The following RNF19A variants were observed in gnomAD, a reference collection of about 807,000 sequenced individuals.
The protein encoded by RNF19A is E3 ubiquitin-protein ligase RNF19A.
A neutral mutation model predicts 75.7 loss-of-function variants in RNF19A; 32 were observed. The observed-to-expected ratio is 0.42, with a 90% CI of 0.32 to 0.57. The LOEUF (loss-of-function observed/expected upper bound fraction) is 0.57. Ranked by LOEUF, RNF19A falls within the 20% of genes least tolerant of loss-of-function variation. The pLI, the probability that RNF19A is intolerant of heterozygous loss-of-function variation, is 0.10. For missense variants in RNF19A, 782 were observed against 1,036.3 expected, an observed-to-expected ratio of 0.75 and a Z score of 3.37; for synonymous variants, 335 against 345.2, an observed-to-expected ratio of 0.97 and a Z score of 0.33.
Position 100,259,741 on chromosome 8 carries a change from T to A in RNF19A, c.1826+113A>T, listed in dbSNP as rs946254948. The A allele has an allele frequency of 1.4e-4, 131 of 920,462 alleles. 1 individual carries two copies. In the African/African-American group the frequency reaches 2.2e-3, roughly 15 times the overall value. 57.0% of individuals were successfully genotyped at this position (920,462 alleles called of 1,614,324 possible). On this transcript the variant is annotated intron_variant, in intron 9 of 9. Coordinates refer to ENST00000341084, the MANE Select transcript of RNF19A (RefSeq NM_183419.4). This position sits in a 1 kb window ranked among gnomAD's most constrained non-coding sequence, Gnocchi z 4.5. The stretch of plus-strand genomic sequence containing the variant: ...CTCTGGACAGCTCACTGTTTCCTTT[T>A]CTCAGAGAACTTAATAGTTGGTAGC...
rs182395324 is a variant in RNF19A, at chr8:100,268,374, C to T, written c.1191+411G>A. Among the ~76,000 whole-genome samples the T allele has an allele frequency of 5.9e-5, 9 of 152,110 alleles. No individual in the cohort carries two copies. In the East Asian group the frequency reaches 1.7e-3, roughly 29 times the overall value. On this transcript the variant is annotated intron_variant, in intron 5 of 9. Coordinates refer to ENST00000341084, the MANE Select transcript of RNF19A (RefSeq NM_183419.4). ...CCAAAAAAAAAGCTTTGAACTACAGCAGAAATAATTCAAGAACTGGCTAAT... is the reference window on the plus strand; with the variant it reads ...CCAAAAAAAAAGCTTTGAACTACAGTAGAAATAATTCAAGAACTGGCTAAT...
chr8:100,273,869 G>A (rs544925477), intron 3 of RNF19A, among the ~76,000 whole-genome samples: 18 of 152,234 alleles, frequency 1.2e-4, no homozygotes, highest in African/African-American at 3.4e-4. Flanking sequence ...TGCAACCTCT[G>A]CCTCCTGGGT....
Position 100,259,720 on chromosome 8 carries a change from G to C in RNF19A, c.1826+134C>G. The C allele has an allele frequency of 1.3e-6, 1 of 764,866 alleles. No individual in the cohort carries two copies. The highest frequency in any genetic ancestry group is 2.1e-6 in the Non-Finnish European group (1 of 482,106). The allele number at this position is 764,866 out of a possible 1,614,324, so 47.4% of individuals were successfully genotyped here. ...TGATCTATACAGATTTGCCTACTCT[G>C]GACAGCTCACTGTTTCCTTTTCTCA... On this transcript the variant is annotated intron_variant, in intron 9 of 9. Coordinates refer to ENST00000341084, the MANE Select transcript of RNF19A (RefSeq NM_183419.4). The surrounding 1 kb of genome is among the most constrained non-coding windows in gnomAD (Gnocchi z 4.5).
At position 100,259,140 on chromosome 8, in the gene RNF19A, G is replaced by T; in HGVS notation, c.1933C>A (p.His645Asn). Residue 645 changes from histidine (H) to asparagine (N), a missense_variant, in exon 10 of 10, where the codon CAT (histidine) becomes AAT (asparagine). Coordinates refer to ENST00000341084, the MANE Select transcript of RNF19A (RefSeq NM_183419.4). The surrounding 1 kb of genome is among the most constrained non-coding windows in gnomAD (Gnocchi z 4.5). ...AAGCCACTGGATGAACCGCCAGCAT[G>T]ACTTCGGGTGGCACTGCCATCATCC... ...SVDDGSATRS[H>N]AGGSSSGLPE... is the part of the protein sequence containing the mutation. 6.2e-7 allele frequency: 1 copy of T among 1,614,148 alleles called. No homozygotes were observed. Among genetic ancestry groups the T allele is most frequent in the South Asian group, 1.1e-5 (1 of 91,068 alleles).
intron 1 of RNF19A, among the ~76,000 whole-genome samples, chr8:100,327,245 C>CTTTTTTTTTTTTTTTT (rs71303441): frequency 1.3e-5 from 1 of 75,836 alleles, no homozygotes; most frequent in Admixed American, 1.8e-4. Context: ...GCAATTACTT[C>CTTTTTTTTTTTTTTTT]TTTTTTTTTT....
Position 100,289,167 on chromosome 8 carries a change from T to C in RNF19A, c.-93-900A>G, listed in dbSNP as rs542493459. Among the ~76,000 whole-genome samples, 4 of 151,980 alleles carry C rather than the reference T, an allele frequency of 2.6e-5. No homozygotes were observed. In the South Asian group the frequency reaches 8.3e-4, roughly 32 times the overall value. On this transcript the variant is annotated intron_variant, in intron 1 of 9. Transcript: ENST00000341084. ...ATGGCCTTTAAAAAAAGAAAAATACTATGTCTACTGGTTATCCACCTGAGA... is the reference window on the plus strand; with the variant it reads ...ATGGCCTTTAAAAAAAGAAAAATACCATGTCTACTGGTTATCCACCTGAGA...
At chr8:100,263,797 G>C (rs953642097) in intron 7 of RNF19A, among the ~76,000 whole-genome samples, 3 of 152,086 alleles carry the variant, frequency 2.0e-5, no homozygotes, top group Non-Finnish European at 4.4e-5. Flanking sequence ...AAGATGAAAA[G>C]TTTATGATTT....
chr8:100,267,988 C>T (rs1820066847), intron 5 of RNF19A, among the ~76,000 whole-genome samples: 1 of 151,814 alleles, frequency 6.6e-6, no homozygotes, highest in South Asian at 2.1e-4. Flanking sequence ...TGTTAGTTCC[C>T]TTTTTGAAAA....
At chr8:100,293,937 C>T (rs778810116) in intron 1 of RNF19A, among the ~76,000 whole-genome samples, 4 of 152,166 alleles carry the variant, frequency 2.6e-5, no homozygotes, top group African/African-American at 4.8e-5. Context: ...AGTTCTATAA[C>T]ATCTATTGTT....
chr8:100,276,656 G>A (rs1230314362), intron 2 of RNF19A, among the ~76,000 whole-genome samples: 3 of 150,064 alleles, frequency 2.0e-5, no homozygotes, highest in Non-Finnish European at 3.0e-5. Context: ...TTGGGTGGCT[G>A]AGGCAGAACT....
At chr8:100,316,959 C>T (rs1249547603) in intron 1 of RNF19A, among the ~76,000 whole-genome samples, 1 of 152,212 alleles carries the variant, frequency 6.6e-6, no homozygotes, top group Non-Finnish European at 1.5e-5. Flanking sequence ...TCGAGCGCAG[C>T]GCCGGTGGGC....
chr8:100,308,911 A>C (rs1296774238), intron 1 of RNF19A, among the ~76,000 whole-genome samples: 2 of 152,242 alleles, frequency 1.3e-5, no homozygotes, highest in African/African-American at 4.8e-5. Context: ...AGAGTAAAGC[A>C]TCGTTCGTGT....
rs1440891358 is a variant in RNF19A, at chr8:100,330,892, T to A, written c.-243+5216A>T. Reference sequence around the variant, plus strand: ...ACTCTTGCTGTGTATACAGCATTAATGCGAAAAGTGCAGACTGGCTCCAAG... The same window carrying A: ...ACTCTTGCTGTGTATACAGCATTAAAGCGAAAAGTGCAGACTGGCTCCAAG... On this transcript the variant is annotated intron_variant, in intron 1 of 3. Coordinates refer to the RNF19A transcript ENST00000519527. This position sits in a 1 kb window ranked among gnomAD's most constrained non-coding sequence, Gnocchi z 4.1. Among the ~76,000 whole-genome samples the A allele has an allele frequency of 6.6e-6, 1 of 152,256 alleles. No homozygotes were observed.
At position 100,287,959 on chromosome 8, in the gene RNF19A, C is replaced by G. The variant is rs1270859493; in HGVS notation, c.216G>C (p.Arg72=). The change falls in exon 2 of 10, where the codon CGG becomes CGC. Residue 72 remains arginine (R), a synonymous_variant. Coordinates refer to ENST00000341084, the MANE Select transcript of RNF19A (RefSeq NM_183419.4). The surrounding 1 kb of genome is among the most constrained non-coding windows in gnomAD (Gnocchi z 4.1). ...KRRISIGSLF[R]RKKDNKRKSR... ...ATTTACGTTTGTTATCTTTTTTCCTCCGAAACAGGGAGCCTATTGAAATTC... is the reference window on the plus strand; with the variant it reads ...ATTTACGTTTGTTATCTTTTTTCCTGCGAAACAGGGAGCCTATTGAAATTC... 2.5e-6 allele frequency: 4 copies of G among 1,614,024 alleles called. No homozygotes were observed. In the Admixed American group the frequency reaches 5.0e-5, roughly 20 times the overall value.
rs558175214 is a variant in RNF19A, at chr8:100,327,121, GT to G, written c.-243+8986del. Among the ~76,000 whole-genome samples the G allele has an allele frequency of 1.4e-4, 21 of 150,854 alleles. No individual in the cohort carries two copies. In the South Asian group the frequency reaches 4.4e-3, roughly 32 times the overall value. On this transcript the variant is annotated intron_variant, in intron 1 of 3. Coordinates refer to the RNF19A transcript ENST00000519527. ...CACACATCTTTGGTTTGGTTTTTCT[GT>G]TTTTAATCTTAGCCTCGCTAACAAA... is the stretch of plus-strand genomic sequence containing the variant.
chr8:100,276,539 G>A (rs1365738738), intron 2 of RNF19A, among the ~76,000 whole-genome samples: 5 of 151,800 alleles, frequency 3.3e-5, no homozygotes, highest in Admixed American at 3.3e-4. Context: ...ATCACTTGAG[G>A]TCAGGAGTTC....
chr8:100,277,480 T>A (rs1404408593), intron 2 of RNF19A, among the ~76,000 whole-genome samples: 1 of 152,112 alleles, frequency 6.6e-6, no homozygotes, highest in Non-Finnish European at 1.5e-5. Flanking sequence ...CCCAGCTAAT[T>A]TTTTTGCATT....
chr8:100,311,064 T>G (rs1220995220), upstream of RNF19A, among the ~76,000 whole-genome samples: 1 of 152,248 alleles, frequency 6.6e-6, no homozygotes. Flanking sequence ...CATCTGTTAC[T>G]TAACTAAATA....
chr8:100,320,065 A>G (rs1256174486), intron 1 of RNF19A, among the ~76,000 whole-genome samples: 1 of 151,410 alleles, frequency 6.6e-6, no homozygotes, highest in East Asian at 1.9e-4. Context: ...CGAACTCCTG[A>G]CCTCAGGTGA....
Sources: allele counts gnomAD v4.1 joint callset (sites outside exome capture counted in the v4.1 genomes callset), GRCh38; gene constraint gnomAD v4.1.1; non-coding constraint Gnocchi (gnomAD v3.1); transcripts MANE v1.5; gene names NCBI Gene and HGNC (gene_info 2026-07-23, HGNC 2026-07-21).